The following KIF26B variants were observed in gnomAD, a reference collection of about 807,000 sequenced individuals.
The protein encoded by KIF26B is kinesin family member 26B.
Under a neutral mutation model 151.2 loss-of-function variants are expected in KIF26B, and 63 were observed. The ratio of observed to expected loss-of-function variants is 0.42; its 90% CI spans 0.34 to 0.51. The LOEUF (loss-of-function observed/expected upper bound fraction) is 0.51. Ranked by LOEUF, KIF26B falls within the 20% of genes least tolerant of loss-of-function variation. KIF26B has a pLI of 0.07. For synonymous variants in KIF26B, 1,357 were observed against 1,262.1 expected, an observed-to-expected ratio of 1.08 and a Z score of -1.59; for missense variants, 2,813 against 2,913.6, an observed-to-expected ratio of 0.97 and a Z score of 0.79.
intron 4 of KIF26B, among the ~76,000 whole-genome samples, chr1:245,423,478 G>GTT (rs35547172): frequency 1.4e-4 from 20 of 146,658 alleles, no homozygotes; most frequent in South Asian, 1.1e-3. Flanking sequence ...TTATTATAGG[G>GTT]TTTTTTTTTT....
At chr1:245,665,236 G>C (rs2044199964) in intron 10 of KIF26B, among the ~76,000 whole-genome samples, 1 of 152,132 alleles carries the variant, frequency 6.6e-6, no homozygotes, top group Non-Finnish European at 1.5e-5. Flanking sequence ...CAGAGGCTGA[G>C]CTTTTTGTGT....
intron 5 of KIF26B, among the ~76,000 whole-genome samples, chr1:245,592,107 C>A (rs113776830): frequency 6.6e-6 from 1 of 152,202 alleles, no homozygotes. Flanking sequence ...CCTGCACATG[C>A]TCCCTCACAC....
chr1:245,246,927 A>G (rs1670343880), intron 2 of KIF26B, among the ~76,000 whole-genome samples: 2 of 149,602 alleles, frequency 1.3e-5, no homozygotes, highest in East Asian at 3.9e-4. Context: ...ACACACAGAC[A>G]CAGACACACA....
At chr1:245,604,235 T>G (rs7545777) in intron 6 of KIF26B, among the ~76,000 whole-genome samples, 1 of 152,006 alleles carries the variant, frequency 6.6e-6, no homozygotes, top group African/African-American at 2.4e-5. Flanking sequence ...TAACTAATAA[T>G]CTATAGCAGA....
chr1:245,701,309 A>G (rs1399363440), intron 14 of KIF26B, among the ~76,000 whole-genome samples: 1 of 152,238 alleles, frequency 6.6e-6, no homozygotes, highest in African/African-American at 2.4e-5. Flanking sequence ...ACTGGCATGG[A>G]AAGATCCATT....
chr1:245,260,413 A>C (rs1259726049), intron 2 of KIF26B, among the ~76,000 whole-genome samples: 2 of 152,216 alleles, frequency 1.3e-5, no homozygotes, highest in Non-Finnish European at 2.9e-5. Context: ...GCCCAAGTGC[A>C]GGTCACTTAC....
chr1:245,159,134 C>T (rs1277287738), intron 2 of KIF26B, among the ~76,000 whole-genome samples: 2 of 152,086 alleles, frequency 1.3e-5, no homozygotes, highest in Admixed American at 6.5e-5. Context: ...TCGCTCAGTT[C>T]GCTCTGAAGA....
At chr1:245,224,178 G>A (rs1228002139) in intron 2 of KIF26B, among the ~76,000 whole-genome samples, 1 of 152,104 alleles carries the variant, frequency 6.6e-6, no homozygotes, top group African/African-American at 2.4e-5. Flanking sequence ...CCAGCTACTG[G>A]GGAGGCTGAG....
chr1:245,305,249 T>C (rs1368245524), intron 2 of KIF26B, among the ~76,000 whole-genome samples: 2 of 152,184 alleles, frequency 1.3e-5, no homozygotes, highest in East Asian at 1.9e-4. Context: ...CTTGGGACTA[T>C]ATCAAAATGG....
At chr1:245,568,553 C>T (rs1197779130) in intron 5 of KIF26B, among the ~76,000 whole-genome samples, 3 of 152,150 alleles carry the variant, frequency 2.0e-5, no homozygotes, top group African/African-American at 7.2e-5. Context: ...TGAGACATTA[C>T]ATAGTTTGAG....
chr1:245,431,962 T>G (rs1379752067), intron 4 of KIF26B, among the ~76,000 whole-genome samples: 6 of 152,114 alleles, frequency 3.9e-5, no homozygotes, highest in Admixed American at 3.9e-4. Context: ...ACCTCCTTGC[T>G]TTTCCTCTAA....
chr1:245,642,960 C>T (rs1472395686), intron 9 of KIF26B, among the ~76,000 whole-genome samples: 2 of 152,214 alleles, frequency 1.3e-5, no homozygotes, highest in Admixed American at 1.3e-4. Flanking sequence ...GCAGGAGGTG[C>T]TGTACATGCC....
At chr1:245,655,962 C>T (rs954731508) in intron 10 of KIF26B, among the ~76,000 whole-genome samples, 2 of 152,158 alleles carry the variant, frequency 1.3e-5, no homozygotes, top group Non-Finnish European at 2.9e-5. Flanking sequence ...TAGATTCTGG[C>T]CCAAAAGAAC....
chr1:245,414,986 C>T (rs1027236324), intron 3 of KIF26B, among the ~76,000 whole-genome samples: 6 of 152,178 alleles, frequency 3.9e-5, no homozygotes, highest in South Asian at 2.1e-4. Flanking sequence ...CCCTACTTGA[C>T]GGCTGAGTGG....
rs758993117 is a variant in KIF26B at position 245,184,050 on chromosome 1, GTTT to G, written c.465+27384_465+27386del. ...GCAACAGGTATGGGTGGGAGTTGTT[GTTT>G]TTTTTTTTTTTTTTTTGAGCTTTCT... On this transcript the variant is annotated intron_variant, in intron 2 of 14. Transcript: ENST00000407071. Among the ~76,000 whole-genome samples, 388 of 19,830 alleles carry G rather than the reference GTTT, an allele frequency of 0.02. 48 individuals are homozygous for G. The South Asian group carries it at 0.2, about 10-fold the overall frequency. The allele number at this position is 19,830 out of a possible 152,430, so 13.0% of individuals were successfully genotyped here. A position where few individuals can be genotyped will look rare whatever the true frequency, so the allele number is the denominator to read the frequency against.
chr1:245,305,412 A>C (rs1671517231), intron 2 of KIF26B, among the ~76,000 whole-genome samples: 1 of 152,236 alleles, frequency 6.6e-6, no homozygotes, highest in Admixed American at 6.5e-5. Flanking sequence ...AAGACAAGTC[A>C]ATTATAAAAA....
chr1:245,525,471 A>G (rs528261181), intron 4 of KIF26B, among the ~76,000 whole-genome samples: 50 of 152,370 alleles, frequency 3.3e-4, no homozygotes, highest in African/African-American at 1.1e-3. Context: ...TCAATTGAAT[A>G]GCATACATAC....
At chr1:245,408,355 T>C (rs1397177545) in intron 3 of KIF26B, among the ~76,000 whole-genome samples, 2,028 of 143,196 alleles carry the variant, frequency 0.014, 74 homozygotes, top group African/African-American at 0.051. Flanking sequence ...GATTCTTTTT[T>C]TTTTTTTTTT....
At chr1:245,349,097 T>C (rs1222571475) in intron 2 of KIF26B, among the ~76,000 whole-genome samples, 1 of 152,208 alleles carries the variant, frequency 6.6e-6, no homozygotes, top group African/African-American at 2.4e-5. Context: ...GACCTTGGTT[T>C]GTTCATGGCT....
Sources: allele counts gnomAD v4.1 joint callset (sites outside exome capture counted in the v4.1 genomes callset), GRCh38; gene constraint gnomAD v4.1.1; transcripts MANE v1.5; gene names NCBI Gene and HGNC (gene_info 2026-07-23, HGNC 2026-07-21).